Variants in EPC1 observed in about 807,000 individuals in gnomAD.
EPC1 encodes the protein enhancer of polycomb homolog 1.
EPC1 carries 12 observed loss-of-function variants against 98.4 expected under a neutral mutation model. The ratio of observed to expected loss-of-function variants is 0.12; its 90% CI spans 0.08 to 0.20. The LOEUF (loss-of-function observed/expected upper bound fraction) is 0.20, where lower values mean the gene tolerates loss of function less well. EPC1 is among the 10% of genes least tolerant of loss of function. The probability of loss-of-function intolerance (pLI) is 1.00; values close to 1 mark genes in which losing one functional copy is unlikely to be tolerated. For missense variants in EPC1, 729 were observed against 990.5 expected, an observed-to-expected ratio of 0.74 and a Z score of 3.54; for synonymous variants, 357 against 363.9, an observed-to-expected ratio of 0.98 and a Z score of 0.21.
intron 13 of EPC1, chr10:32,269,453 A>C (rs1372126164): frequency 1.2e-5 from 3 of 247,154 alleles, no homozygotes; most frequent in African/African-American, 6.9e-5. Flanking sequence ...TAAACCTTTC[A>C]AAAGAGTTTT....
intron 1 of EPC1, among the ~76,000 whole-genome samples, chr10:32,330,569 C>T (rs970370441): frequency 3.3e-5 from 5 of 152,184 alleles, no homozygotes; most frequent in African/African-American, 1.2e-4. Flanking sequence ...ATCAAACACA[C>T]TGGATTATAT....
At chr10:32,345,282 T>C in intron 1 of EPC1, 3 of 985,436 alleles carry the variant, frequency 3.0e-6, no homozygotes, top group Non-Finnish European at 3.6e-6. Flanking sequence ...CTACATACAC[T>C]TGGCTTATCT....
intron 2 of EPC1, among the ~76,000 whole-genome samples, chr10:32,294,178 C>A (rs1435054656): frequency 6.6e-6 from 1 of 152,032 alleles, no homozygotes; most frequent in Non-Finnish European, 1.5e-5. Context: ...GTAGATTATT[C>A]AACTACTTTA....
rs142341674 is a variant in EPC1, at chr10:32,370,749, T to G, written c.3+7742A>C. On this transcript the variant is annotated intron_variant, in intron 1 of 13. Transcript: ENST00000375110. Reference sequence around the variant, plus strand: ...TATGGACCACTTGAAATGTGGATAGTGTGACTGGGAAAATGAACTTTAAAA... The same window carrying G: ...TATGGACCACTTGAAATGTGGATAGGGTGACTGGGAAAATGAACTTTAAAA... Among the ~76,000 whole-genome samples the G allele has an allele frequency of 2.0e-3, 308 of 152,356 alleles. 2 individuals carry two copies. The highest frequency in any genetic ancestry group is 7.0e-3 in the African/African-American group (292 of 41,586).
At chr10:32,277,470 A>G (rs529778377) in intron 10 of EPC1, among the ~76,000 whole-genome samples, 3 of 152,352 alleles carry the variant, frequency 2.0e-5, no homozygotes, top group African/African-American at 7.2e-5. Context: ...CTCAATCTAG[A>G]AAGTTGTTGA....
In EPC1 at chr10:32,287,218, G is replaced by C; in HGVS notation, c.1032C>G (p.Val344=). ...GAGTAGCAGCGGCAGACGATGGTAA[G>C]ACTTTGGGCTTCTTTTCATATTTCC... ...PKRKYEKKPK[V]LPSSAAATPQ... Residue 344 remains valine (V), a synonymous_variant, in exon 7 of 14, where the codon GTC becomes GTG. Transcript: ENST00000319778. The C allele has an allele frequency of 6.2e-7, 1 of 1,614,152 alleles. No homozygotes were observed. The highest frequency in any genetic ancestry group is 1.1e-5 in the South Asian group (1 of 91,082).
intron 1 of EPC1, chr10:32,346,534 C>A (rs537743508): frequency 2.1e-5 from 11 of 534,286 alleles, no homozygotes; most frequent in Non-Finnish European, 3.3e-5. Context: ...CCGCGGGACC[C>A]GGGTACAAGT....
chr10:32,321,002 C>T (rs923836205), intron 1 of EPC1, among the ~76,000 whole-genome samples: 5 of 152,158 alleles, frequency 3.3e-5, no homozygotes, highest in Non-Finnish European at 7.4e-5. Context: ...CATCTTGTAA[C>T]TCCATTCACT....
At chr10:32,327,172 T>C (rs1352830594) in intron 1 of EPC1, among the ~76,000 whole-genome samples, 1 of 152,044 alleles carries the variant, frequency 6.6e-6, no homozygotes, top group Non-Finnish European at 1.5e-5. Flanking sequence ...GGAGATACTA[T>C]GTTAAAGTGA....
At chr10:32,296,500 T>C (rs978277673) in intron 2 of EPC1, among the ~76,000 whole-genome samples, 4 of 152,176 alleles carry the variant, frequency 2.6e-5, no homozygotes, top group Non-Finnish European at 5.9e-5. Flanking sequence ...ATGATTTCTA[T>C]CATATGAATC....
At chr10:32,295,608 A>G (rs1035575477) in intron 2 of EPC1, among the ~76,000 whole-genome samples, 3 of 152,168 alleles carry the variant, frequency 2.0e-5, no homozygotes, top group Admixed American at 2.0e-4. Flanking sequence ...CCTCAAGTTG[A>G]TTAAAACTGT....
intron 1 of EPC1, among the ~76,000 whole-genome samples, chr10:32,375,111 G>C (rs898774403): frequency 1.3e-5 from 2 of 152,046 alleles, no homozygotes; most frequent in Non-Finnish European, 2.9e-5. Flanking sequence ...TGGTGTATCT[G>C]TATCGTCTTA....
rs57193296 is a variant in EPC1, at chr10:32,290,483, C to CAAAAAAAAAAAAAAAAAAA, written c.975+661_975+679dup. Among the ~76,000 whole-genome samples the CAAAAAAAAAAAAAAAAAAA allele has an allele frequency of 1.2e-4, 5 of 40,158 alleles. 1 individual carries two copies. Among genetic ancestry groups the CAAAAAAAAAAAAAAAAAAA allele is most frequent in the African/African-American group, 6.7e-4 (5 of 7,426 alleles). The allele number at this position is 40,158 out of a possible 152,430, so 26.3% of individuals were successfully genotyped here. ...CCCGGGTGACAGAGCAAGACTCTGT[C>CAAAAAAAAAAAAAAAAAAA]AAAAAAAAAAAAAAAAAAAAAAAAA... On this transcript the variant is annotated intron_variant, in intron 6 of 13. Coordinates refer to ENST00000319778, the MANE Select transcript of EPC1 (RefSeq NM_001272004.3).
In EPC1 at chr10:32,285,906, G is replaced by GA. The variant is rs576312813; in HGVS notation, c.1391+787dup. The GA allele has an allele frequency of 8.6e-5, 13 of 151,862 alleles. No individual in the cohort carries two copies. The South Asian group carries it at 2.7e-3, about 31-fold the overall frequency. 9.4% of individuals were successfully genotyped at this position (151,862 alleles called of 1,614,324 possible). On this transcript the variant is annotated intron_variant, in intron 9 of 13. Transcript: ENST00000319778. ...ACTGCTCCTGATGTCAGCAGTGATG[G>GA]AAAAAAACGGACTAAATAAAATGTA...
At chr10:32,376,333 G>T (rs1004671565) in intron 1 of EPC1, among the ~76,000 whole-genome samples, 1 of 151,892 alleles carries the variant, frequency 6.6e-6, no homozygotes, top group Non-Finnish European at 1.5e-5. Flanking sequence ...AAAAATTATC[G>T]CCATTCTGAA....
intron 2 of EPC1, among the ~76,000 whole-genome samples, chr10:32,296,839 G>A (rs187583277): frequency 5.3e-5 from 8 of 152,048 alleles, no homozygotes; most frequent in East Asian, 3.9e-4. Flanking sequence ...CCCGGGAGGC[G>A]GAGGTTGCAG....
At chr10:32,311,174 G>C (rs1238674182) in intron 1 of EPC1, among the ~76,000 whole-genome samples, 2 of 151,920 alleles carry the variant, frequency 1.3e-5, no homozygotes, top group Non-Finnish European at 2.9e-5. Flanking sequence ...TTAGCCGGGT[G>C]TGGTGGTGGG....
chr10:32,284,151 ACATTT>A (rs1257516018), intron 10 of EPC1: 1 of 152,332 alleles, frequency 6.6e-6, no homozygotes, highest in East Asian at 1.9e-4. Context: ...TATTTTAGAC[ACATTT>A]CAAATAGAAG....
intron 1 of EPC1, 64 bp from the exon 2 acceptor site, chr10:32,305,995 C>G: frequency 7.1e-7 from 1 of 1,403,202 alleles, no homozygotes; most frequent in Non-Finnish European, 9.4e-7. Flanking sequence ...GATCATATAG[C>G]CAAAAAGGTT....
Sources: gnomAD v4.1 joint callset for allele counts (sites outside exome capture counted in the v4.1 genomes callset) on GRCh38, gnomAD v4.1.1 for gene constraint, MANE v1.5 for transcripts, NCBI Gene and HGNC (gene_info 2026-07-23, HGNC 2026-07-21) for gene names.